Variants in LRRC4C observed in about 807,000 individuals in gnomAD.
LRRC4C encodes the protein leucine rich repeat containing 4C.
LRRC4C carries 5 observed loss-of-function variants against 33.6 expected under a neutral mutation model. The observed-to-expected ratio is 0.15, with a 90% CI of 0.08 to 0.31. The LOEUF is 0.31. Among genes scored for constraint, LRRC4C ranks in the 10% least tolerant of loss-of-function variants. The pLI is 1.00. For missense variants in LRRC4C, 560 were observed against 796.7 expected, an observed-to-expected ratio of 0.70 and a Z score of 3.58; for synonymous variants, 329 against 302.0, an observed-to-expected ratio of 1.09 and a Z score of -0.93.
chr11:41,311,693 A>G lies in LRRC4C; in HGVS notation c.-496+147738T>C, dbSNP rs1950646452. On this transcript the variant is annotated intron_variant, in intron 1 of 6. Transcript: ENST00000528697. Reference sequence around the variant, plus strand: ...TGTAGAGGCAGTGATCTAATATTGTATCATTATTTTACCAGCTAGAATAAG... The same window carrying G: ...TGTAGAGGCAGTGATCTAATATTGTGTCATTATTTTACCAGCTAGAATAAG... Among the ~76,000 whole-genome samples, 3 of 152,238 alleles carry G rather than the reference A, an allele frequency of 2.0e-5. No homozygotes were observed. The South Asian group carries it at 6.2e-4, about 32-fold the overall frequency.
chr11:40,885,036 C>T (rs1032077861), intron 2 of LRRC4C, among the ~76,000 whole-genome samples: 7 of 152,020 alleles, frequency 4.6e-5, no homozygotes, highest in East Asian at 3.9e-4. Flanking sequence ...GAACAATGTA[C>T]ACTATTTGGG....
intron 1 of LRRC4C, among the ~76,000 whole-genome samples, chr11:40,976,595 A>G (rs1294789759): frequency 6.6e-6 from 1 of 152,224 alleles, no homozygotes; most frequent in Non-Finnish European, 1.5e-5. Context: ...TACTTTTTCA[A>G]AATCCAATTG....
chr11:40,408,208 T>A (rs1043469170), intron 3 of LRRC4C, among the ~76,000 whole-genome samples: 38 of 152,124 alleles, frequency 2.5e-4, no homozygotes, highest in African/African-American at 9.1e-4. Flanking sequence ...TACTCTGAAA[T>A]CCTTTGTTGA....
In LRRC4C at chr11:40,229,365, C is replaced by T. The variant is rs190660211; in HGVS notation, c.-96+12154G>A. Reference sequence around the variant, plus strand: ...TCAGCTCACTGCAACTTCCGCCTCCCGGGTTCAGGCAATTCTCCTGCCTCA... The same window carrying T: ...TCAGCTCACTGCAACTTCCGCCTCCTGGGTTCAGGCAATTCTCCTGCCTCA... On this transcript the variant is annotated intron_variant, in intron 5 of 6. Coordinates refer to ENST00000528697, the MANE Select transcript of LRRC4C (RefSeq NM_001258419.2). 7.4e-3 allele frequency among the ~76,000 whole-genome samples: 1,131 copies of T among 152,188 alleles called. 16 individuals are homozygous for T. Among genetic ancestry groups the T allele is most frequent in the South Asian group, 0.017 (83 of 4,818 alleles).
chr11:41,253,253 A>G (rs192472818), intron 1 of LRRC4C, among the ~76,000 whole-genome samples: 240 of 152,216 alleles, frequency 1.6e-3, no homozygotes, highest in African/African-American at 5.7e-3. Context: ...TAATCATCAA[A>G]ATGAGTAAAC....
chr11:40,251,928 T>C (rs375630228), intron 4 of LRRC4C, among the ~76,000 whole-genome samples: 4 of 152,200 alleles, frequency 2.6e-5, no homozygotes, highest in African/African-American at 9.6e-5. Flanking sequence ...GAGGTTTGTT[T>C]GGCATCTGGA....
At chr11:41,362,587 AT>A (rs537670080) in intron 1 of LRRC4C, among the ~76,000 whole-genome samples, 1,550 of 152,224 alleles carry the variant, frequency 0.01, 24 homozygotes, top group African/African-American at 0.035. Flanking sequence ...TGAGTGATAT[AT>A]TAGTTTTCTG....
chr11:41,225,596 C>T (rs758452463), intron 1 of LRRC4C, among the ~76,000 whole-genome samples: 7 of 151,944 alleles, frequency 4.6e-5, no homozygotes, highest in Non-Finnish European at 7.4e-5. Flanking sequence ...CCCAGGAGTT[C>T]GAGACTAGCC....
At chr11:41,450,759 C>A (rs1437173881) in intron 1 of LRRC4C, among the ~76,000 whole-genome samples, 1 of 152,096 alleles carries the variant, frequency 6.6e-6, no homozygotes, top group Non-Finnish European at 1.5e-5. Context: ...TATCTTCATT[C>A]CTTCCTACCA....
chr11:40,957,252 T>C (rs983791898), intron 1 of LRRC4C, among the ~76,000 whole-genome samples: 1 of 151,660 alleles, frequency 6.6e-6, no homozygotes, highest in African/African-American at 2.4e-5. Context: ...AAAAGGACTA[T>C]AAAATAAGGT....
At chr11:40,976,400 T>C (rs1415639602) in intron 1 of LRRC4C, among the ~76,000 whole-genome samples, 1 of 152,204 alleles carries the variant, frequency 6.6e-6, no homozygotes, top group Non-Finnish European at 1.5e-5. Flanking sequence ...AGACCATGGC[T>C]TGAGGGCATT....
chr11:41,038,265 C>T (rs1590321129), intron 1 of LRRC4C, among the ~76,000 whole-genome samples: 1 of 152,174 alleles, frequency 6.6e-6, no homozygotes, highest in East Asian at 1.9e-4. Flanking sequence ...AGCAGCAAAA[C>T]AAGAGAAATA....
rs757689611 is a variant in LRRC4C at position 40,169,327 on chromosome 11, G to GGA, written c.-95-28476_-95-28475dup. 2.0e-5 allele frequency among the ~76,000 whole-genome samples: 3 copies of GGA among 152,024 alleles called. No homozygotes were observed. In the East Asian group the frequency reaches 5.8e-4, roughly 29 times the overall value. ...CTATCAGGGTGAAATTCTGGACCAG[G>GGA]GAAGGATGCAAGACACTCATACATG... On this transcript the variant is annotated intron_variant, in intron 5 of 6. Transcript: ENST00000528697.
At chr11:40,527,462 T>C (rs1416387395) in intron 3 of LRRC4C, among the ~76,000 whole-genome samples, 1 of 152,022 alleles carries the variant, frequency 6.6e-6, no homozygotes, top group African/African-American at 2.4e-5. Flanking sequence ...GTGAAAAAAA[T>C]GGGCAAAATA....
chr11:40,508,779 T>C (rs773606346), intron 3 of LRRC4C, among the ~76,000 whole-genome samples: 21 of 152,202 alleles, frequency 1.4e-4, no homozygotes, highest in Admixed American at 5.2e-4. Context: ...TGAAATAATA[T>C]ATGTGAAACT....
chr11:41,281,692 C>T (rs897781766), intron 1 of LRRC4C, among the ~76,000 whole-genome samples: 3 of 152,098 alleles, frequency 2.0e-5, no homozygotes, highest in Admixed American at 6.6e-5. Flanking sequence ...TGGATACAAT[C>T]GGGGAACTGA....
chr11:40,405,586 G>A (rs189384630), intron 3 of LRRC4C, among the ~76,000 whole-genome samples: 16 of 137,910 alleles, frequency 1.2e-4, no homozygotes, highest in Non-Finnish European at 1.1e-4. Context: ...TGCAGCCTGG[G>A]TGACAAGAGC....
At chr11:40,871,759 T>C (rs1207949655) in intron 2 of LRRC4C, among the ~76,000 whole-genome samples, 1 of 152,104 alleles carries the variant, frequency 6.6e-6, no homozygotes, top group Non-Finnish European at 1.5e-5. Context: ...TTCCCAAACA[T>C]AAAATGAGTC....
At chr11:40,195,396 A>C (rs1862179953) in intron 5 of LRRC4C, among the ~76,000 whole-genome samples, 1 of 152,190 alleles carries the variant, frequency 6.6e-6, no homozygotes, top group East Asian at 1.9e-4. Context: ...CTATGAATTT[A>C]AGGGAAATCT....
Sources: gnomAD v4.1 joint callset for allele counts (sites outside exome capture counted in the v4.1 genomes callset) on GRCh38, gnomAD v4.1.1 for gene constraint, MANE v1.5 for transcripts, NCBI Gene and HGNC (gene_info 2026-07-23, HGNC 2026-07-21) for gene names.